Variants in PLD5 observed in about 807,000 individuals in gnomAD.
PLD5 encodes inactive phospholipase D5.
In PLD5, 36 loss-of-function variants were observed where a neutral mutation model predicts 61.1. The ratio of observed to expected loss-of-function variants is 0.59; its 90% CI spans 0.45 to 0.78. The LOEUF (loss-of-function observed/expected upper bound fraction) is 0.78. Among genes scored for constraint, PLD5 ranks in the 30% least tolerant of loss-of-function variants. The pLI is 0.00. For missense variants in PLD5, 515 were observed against 644.4 expected, an observed-to-expected ratio of 0.80 and a Z score of 2.17; for synonymous variants, 243 against 242.8, an observed-to-expected ratio of 1.00 and a Z score of -0.01.
chr1:242,317,196 G>A (rs543494717), intron 2 of PLD5, among the ~76,000 whole-genome samples: 3 of 152,054 alleles, frequency 2.0e-5, no homozygotes, highest in South Asian at 4.2e-4. Context: ...TGTATCTTTA[G>A]TAGAGACATG....
At chr1:242,137,877 C>T (rs887632459) in intron 5 of PLD5, among the ~76,000 whole-genome samples, 2 of 152,078 alleles carry the variant, frequency 1.3e-5, no homozygotes, top group African/African-American at 4.8e-5. Context: ...CTTTGTTTGC[C>T]CATTTGAAAA....
intron 8 of PLD5, among the ~76,000 whole-genome samples, chr1:242,103,156 G>T (rs942763737): frequency 6.6e-6 from 1 of 152,154 alleles, no homozygotes; most frequent in African/African-American, 2.4e-5. Flanking sequence ...CTCTGTTCCT[G>T]CTAGACCTCA....
At chr1:242,409,295 T>C (rs1341577298) in intron 1 of PLD5, among the ~76,000 whole-genome samples, 2 of 152,136 alleles carry the variant, frequency 1.3e-5, no homozygotes, top group South Asian at 2.1e-4. Flanking sequence ...TAAATCCTCA[T>C]AAAAATTTAA....
intron 2 of PLD5, among the ~76,000 whole-genome samples, chr1:242,302,705 C>A (rs919652880): frequency 6.6e-6 from 1 of 152,182 alleles, no homozygotes; most frequent in Non-Finnish European, 1.5e-5. Context: ...GGCAACAGAG[C>A]AAGACTCTGC....
intron 1 of PLD5, among the ~76,000 whole-genome samples, chr1:242,484,746 G>A (rs1667899782): frequency 6.6e-6 from 1 of 152,126 alleles, no homozygotes; most frequent in Non-Finnish European, 1.5e-5. Context: ...GCCTGGCAGA[G>A]ACACAGCAAA....
intron 4 of PLD5, among the ~76,000 whole-genome samples, chr1:242,226,176 T>C (rs1202072244): frequency 6.6e-6 from 1 of 152,228 alleles, no homozygotes; most frequent in East Asian, 1.9e-4. Context: ...TGATTAACCA[T>C]TTTTTGCTTT....
intron 5 of PLD5, among the ~76,000 whole-genome samples, chr1:242,200,395 T>C (rs1042363226): frequency 1.3e-5 from 2 of 152,162 alleles, no homozygotes; most frequent in African/African-American, 4.8e-5. Flanking sequence ...AAAAAGATCT[T>C]CAATAAGGCC....
intron 4 of PLD5, among the ~76,000 whole-genome samples, chr1:242,233,534 G>A (rs1003009184): frequency 8.9e-5 from 13 of 146,846 alleles, no homozygotes; most frequent in African/African-American, 2.7e-4. Flanking sequence ...AAGGCTAAAG[G>A]AAGAGAGAGA....
rs548707170 is a variant in PLD5, at chr1:242,454,638, C to T, written c.189+69450G>A. On this transcript the variant is annotated intron_variant, in intron 1 of 9. Coordinates refer to ENST00000536534, the MANE Select transcript of PLD5 (RefSeq NM_001372062.1). ...ATTTCTATTAAGGTATTATGAACTA[C>T]GAAATCATAAAAGAGTTTCTAACGC... Among the ~76,000 whole-genome samples, 99 of 139,866 alleles carry T rather than the reference C, an allele frequency of 7.1e-4. 4 individuals carry two copies. The South Asian group carries it at 0.018, about 25-fold the overall frequency. The allele number at this position is 139,866 out of a possible 152,430, so 91.8% of individuals were successfully genotyped here.
chr1:242,353,594 A>G (rs1211922865), intron 1 of PLD5, among the ~76,000 whole-genome samples: 2 of 152,116 alleles, frequency 1.3e-5, no homozygotes, highest in African/African-American at 4.8e-5. Context: ...ATTGCAATAA[A>G]TCTGTAAATT....
Position 242,112,331 on chromosome 1 carries a change from G to A in PLD5, c.1070+1559C>T, listed in dbSNP as rs1452119426. Among the ~76,000 whole-genome samples, 161 of 43,424 alleles carry A rather than the reference G, an allele frequency of 3.7e-3. 4 individuals carry two copies. The South Asian group carries it at 0.11, about 30-fold the overall frequency. The allele number at this position is 43,424 out of a possible 152,430, so 28.5% of individuals were successfully genotyped here. On this transcript the variant is annotated intron_variant, in intron 7 of 9. Coordinates refer to ENST00000536534, the MANE Select transcript of PLD5 (RefSeq NM_001372062.1). The stretch of plus-strand genomic sequence containing the variant: ...TGTGTGTGTGTGTGTGTGTATGTAT[G>A]TATATGTGTATATATATATATAGAT...
At chr1:242,248,769 T>A (rs1421048228) in intron 4 of PLD5, among the ~76,000 whole-genome samples, 2 of 152,144 alleles carry the variant, frequency 1.3e-5, no homozygotes, top group East Asian at 3.9e-4. Flanking sequence ...ATTTATCAGT[T>A]TCCTTAATAA....
chr1:242,098,663 C>G (rs1660447076), intron 9 of PLD5, among the ~76,000 whole-genome samples: 1 of 152,180 alleles, frequency 6.6e-6, no homozygotes, highest in African/African-American at 2.4e-5. Context: ...AGTTTTTCTG[C>G]TCTGTTTTTT....
At chr1:242,274,655 G>A (rs1674309055) in intron 3 of PLD5, among the ~76,000 whole-genome samples, 1 of 152,182 alleles carries the variant, frequency 6.6e-6, no homozygotes, top group South Asian at 2.1e-4. Flanking sequence ...TCAGGAGGCT[G>A]AGGTAGGAGA....
In PLD5 at chr1:242,089,753, T is replaced by C; in HGVS notation, c.*101A>G. On this transcript the variant is annotated 3_prime_UTR_variant, in exon 10 of 10. Transcript: ENST00000536534. ...GAGAATATTTTTTATAAGTGTGCTT[T>C]TTCCCTAAAAAAAGAGACATATTAA... is the stretch of plus-strand genomic sequence containing the variant. 1 of 1,456,176 alleles carries C rather than the reference T, an allele frequency of 6.9e-7. No individual in the cohort carries two copies. The highest frequency in any genetic ancestry group is 1.3e-5 in the South Asian group (1 of 78,690). 90.2% of individuals were successfully genotyped at this position (1,456,176 alleles called of 1,614,324 possible). A position where few individuals can be genotyped will look rare whatever the true frequency, so the allele number is the denominator to read the frequency against.
intron 1 of PLD5, among the ~76,000 whole-genome samples, chr1:242,519,171 A>T (rs2810004): frequency 0.35 from 53,720 of 152,064 alleles, 9,711 homozygotes; most frequent in Admixed American, 0.39. Context: ...TCTGGCGCTT[A>T]ACGGATCCAC....
intron 1 of PLD5, among the ~76,000 whole-genome samples, chr1:242,523,523 C>A (rs1269448839): frequency 5.3e-5 from 8 of 152,074 alleles, no homozygotes; most frequent in African/African-American, 1.4e-4. Context: ...CTCCTTGCAA[C>A]GCGCAAATCT....
intron 6 of PLD5, 81 bp downstream of exon 6, chr1:242,124,387 G>C: frequency 2.1e-6 from 3 of 1,396,010 alleles, no homozygotes; most frequent in Non-Finnish European, 3.0e-6. Flanking sequence ...CCCAATACAA[G>C]ATCACACTTA....
chr1:242,401,573 A>AGATGT (rs1663936785), intron 1 of PLD5, among the ~76,000 whole-genome samples: 1 of 152,122 alleles, frequency 6.6e-6, no homozygotes, highest in African/African-American at 2.4e-5. Flanking sequence ...GCCACATGAG[A>AGATGT]GATGTGATGT....
Sources: gnomAD v4.1 joint callset for allele counts (sites outside exome capture counted in the v4.1 genomes callset) on GRCh38, gnomAD v4.1.1 for gene constraint, MANE v1.5 for transcripts, NCBI Gene and HGNC (gene_info 2026-07-23, HGNC 2026-07-21) for gene names.